The following PRKCH variants were observed in gnomAD, a reference collection of about 807,000 sequenced individuals.
The protein encoded by PRKCH is protein kinase C eta type.
Under a neutral mutation model 82.5 loss-of-function variants are expected in PRKCH, and 28 were observed. That is an observed-to-expected ratio of 0.34 (90% CI 0.25 to 0.47). The LOEUF is 0.47. Ranked by LOEUF, PRKCH falls within the 20% of genes least tolerant of loss-of-function variation. The pLI, the probability that PRKCH is intolerant of heterozygous loss-of-function variation, is 1.00. For synonymous variants in PRKCH, 322 were observed against 327.4 expected (o/e 0.98, Z 0.18); for missense variants, 705 against 881.8 (o/e 0.80, Z 2.54).
chr14:61,358,418 C>G (rs1252813232), intron 1 of PRKCH, among the ~76,000 whole-genome samples: 4 of 152,196 alleles, frequency 2.6e-5, no homozygotes, highest in Non-Finnish European at 2.9e-5. Flanking sequence ...CCATACATAG[C>G]CAGTTACCCA....
intron 10 of PRKCH, among the ~76,000 whole-genome samples, chr14:61,503,272 T>C (rs1465778497): frequency 6.6e-6 from 1 of 151,562 alleles, no homozygotes; most frequent in Non-Finnish European, 1.5e-5. Flanking sequence ...TCCCTGTGAC[T>C]GATTTGTATG....
intron 1 of PRKCH, among the ~76,000 whole-genome samples, chr14:61,344,796 G>C (rs759088837): frequency 5.3e-5 from 8 of 152,070 alleles, no homozygotes; most frequent in Non-Finnish European, 8.8e-5. Context: ...TATGTGACCT[G>C]TTTTCACCAG....
chr14:61,249,081 C>G (rs1207229859), intron 1 of PRKCH, among the ~76,000 whole-genome samples: 4 of 152,186 alleles, frequency 2.6e-5, no homozygotes, highest in African/African-American at 9.7e-5. Flanking sequence ...GGATTATAGG[C>G]ATGAGCCACT....
At chr14:61,367,037 C>T (rs1233286490) in intron 1 of PRKCH, among the ~76,000 whole-genome samples, 1 of 152,022 alleles carries the variant, frequency 6.6e-6, no homozygotes, top group African/African-American at 2.4e-5. Context: ...TATCCACTTT[C>T]CTACATATTC....
intron 1 of PRKCH, among the ~76,000 whole-genome samples, chr14:61,245,201 T>A (rs2140068899): frequency 6.6e-6 from 1 of 152,206 alleles, no homozygotes; most frequent in Middle Eastern, 3.4e-3. Flanking sequence ...AAAAATAAAC[T>A]CAAACCAGAT....
intron 12 of PRKCH, among the ~76,000 whole-genome samples, chr14:61,546,636 T>G (rs796487087): frequency 2.5e-4 from 38 of 152,332 alleles, no homozygotes; most frequent in African/African-American, 9.1e-4. Context: ...CAACAAGATT[T>G]TCTCTGTAAA....
At chr14:61,307,684 C>T (rs1360081726) in intron 1 of PRKCH, among the ~76,000 whole-genome samples, 1 of 151,990 alleles carries the variant, frequency 6.6e-6, no homozygotes, top group Non-Finnish European at 1.5e-5. Flanking sequence ...TATTACAATG[C>T]TGTTTTTTTG....
At chr14:61,349,962 A>G (rs957632864) in intron 1 of PRKCH, among the ~76,000 whole-genome samples, 3 of 152,200 alleles carry the variant, frequency 2.0e-5, no homozygotes, top group African/African-American at 7.2e-5. Context: ...ACTCAATGAC[A>G]AGTTATGCCA....
intron 2 of PRKCH, among the ~76,000 whole-genome samples, chr14:61,431,187 C>A (rs1032759832): frequency 4.6e-5 from 7 of 151,120 alleles, no homozygotes; most frequent in Non-Finnish European, 1.0e-4. Context: ...GGGAAAAATG[C>A]CTCAAATGAA....
chr14:61,547,887 G>C lies in PRKCH; in HGVS notation c.1905+1G>C. 6.2e-7 allele frequency: 1 copy of C among 1,613,408 alleles called. No homozygotes were observed. Among genetic ancestry groups the C allele is most frequent in the Non-Finnish European group, 8.5e-7 (1 of 1,179,566 alleles). ...AGAACCGCCTTTCAGACCCAGAATC[G>C]TAAGTGTCCCAGGCTGTCACAGAGA... On this transcript the variant is annotated splice_donor_variant, in intron 13 of 13. Coordinates refer to ENST00000332981, the MANE Select transcript of PRKCH (RefSeq NM_006255.5). LOFTEE classifies it high-confidence loss of function.
At chr14:61,462,916 G>A (rs1885093184) in intron 9 of PRKCH, among the ~76,000 whole-genome samples, 1 of 152,224 alleles carries the variant, frequency 6.6e-6, no homozygotes, top group Non-Finnish European at 1.5e-5. Flanking sequence ...AAGTGGCAGA[G>A]ACAAAGTTCA....
intron 1 of PRKCH, chr14:61,304,156 C>T (rs1259192687): frequency 6.6e-6 from 1 of 151,534 alleles, no homozygotes; most frequent in Non-Finnish European, 1.5e-5. Flanking sequence ...ATTTTGTTAA[C>T]TCTGTCCTTT....
intron 1 of PRKCH, among the ~76,000 whole-genome samples, chr14:61,388,637 G>A (rs1056027787): frequency 4.0e-5 from 6 of 151,686 alleles, no homozygotes. Flanking sequence ...ATGAGGGAGT[G>A]TGGCTTTTAA....
At chr14:61,467,732 A>T (rs1180477612) in intron 9 of PRKCH, among the ~76,000 whole-genome samples, 1 of 152,184 alleles carries the variant, frequency 6.6e-6, no homozygotes, top group African/African-American at 2.4e-5. Context: ...GCAGGAGGGG[A>T]TGAGCGAAGA....
At chr14:61,502,526 TG>T (rs1370778768) in intron 10 of PRKCH, among the ~76,000 whole-genome samples, 1 of 152,188 alleles carries the variant, frequency 6.6e-6, no homozygotes, top group African/African-American at 2.4e-5. Context: ...CCAGCACTAC[TG>T]CTCCAGGTAG....
chr14:61,343,623 G>A (rs772961767), intron 1 of PRKCH, among the ~76,000 whole-genome samples: 1 of 152,104 alleles, frequency 6.6e-6, no homozygotes, highest in South Asian at 2.1e-4. Context: ...GCAAGACCTG[G>A]CCTTTTTGTA....
At chr14:61,283,607 G>C (rs1034818639) in intron 1 of PRKCH, among the ~76,000 whole-genome samples, 1 of 152,108 alleles carries the variant, frequency 6.6e-6, no homozygotes, top group Non-Finnish European at 1.5e-5. Context: ...AGCACTTCGG[G>C]AGGCCAAGGC....
chr14:61,378,667 T>C (rs1388768904), intron 1 of PRKCH, among the ~76,000 whole-genome samples: 1 of 152,204 alleles, frequency 6.6e-6, no homozygotes, highest in Non-Finnish European at 1.5e-5. Flanking sequence ...TTGAACTCTT[T>C]GTCTTTCCTC....
chr14:61,290,008 A>C (rs114223046), intron 1 of PRKCH, among the ~76,000 whole-genome samples: 236 of 152,158 alleles, frequency 1.6e-3, no homozygotes, highest in African/African-American at 5.5e-3. Flanking sequence ...AATAGGAAAA[A>C]TGTGTCCAGG....
Sources: allele counts gnomAD v4.1 joint callset (sites outside exome capture counted in the v4.1 genomes callset), GRCh38; gene constraint gnomAD v4.1.1; transcripts MANE v1.5; gene names NCBI Gene and HGNC (gene_info 2026-07-23, HGNC 2026-07-21).